The following NR3C1 variants were observed in gnomAD, a reference collection of about 807,000 sequenced individuals.
NR3C1 encodes the protein glucocorticoid receptor.
A neutral mutation model predicts 74.0 loss-of-function variants in NR3C1; 14 were observed. That is an observed-to-expected ratio of 0.19 (90% CI 0.12 to 0.30). The LOEUF is 0.30. NR3C1 is among the 10% of genes least tolerant of loss of function. The pLI, the probability that NR3C1 is intolerant of heterozygous loss-of-function variation, is 1.00. For synonymous variants in NR3C1, 308 were observed against 332.5 expected (o/e 0.93, Z 0.80); for missense variants, 695 against 909.8 (o/e 0.76, Z 3.04).
At chr5:143,289,120 T>A (rs1277736572) in intron 7 of NR3C1, among the ~76,000 whole-genome samples, 1 of 144,744 alleles carries the variant, frequency 6.9e-6, no homozygotes, top group Admixed American at 6.8e-5. Context: ...AACTAGAATA[T>A]CCAAAACAAC....
exon 1 of NR3C1, chr5:143,434,684 C>T (rs995289354): frequency 1.3e-4 from 127 of 985,318 alleles, no homozygotes; most frequent in Non-Finnish European, 1.5e-4. Flanking sequence ...ACAGAGAAGG[C>T]ACTCATTAAG....
At chr5:143,380,218 T>C (rs1478659368) in intron 2 of NR3C1, among the ~76,000 whole-genome samples, 5 of 152,218 alleles carry the variant, frequency 3.3e-5, no homozygotes, top group African/African-American at 9.6e-5. Context: ...CTTAATTATT[T>C]GACTTAAATT....
intron 2 of NR3C1, among the ~76,000 whole-genome samples, chr5:143,372,435 G>A (rs190878357): frequency 1.3e-5 from 2 of 152,320 alleles, no homozygotes; most frequent in South Asian, 4.1e-4. Flanking sequence ...TGGAGATGCT[G>A]AACAAAGGAA....
At chr5:143,396,982 G>A (rs529064650) in intron 2 of NR3C1, among the ~76,000 whole-genome samples, 164 of 151,962 alleles carry the variant, frequency 1.1e-3, no homozygotes, top group Middle Eastern at 0.01. Flanking sequence ...AAGTTAGAAT[G>A]ACTAGTTTGT....
chr5:143,385,380 C>T (rs1181650082), intron 2 of NR3C1, among the ~76,000 whole-genome samples: 1 of 152,216 alleles, frequency 6.6e-6, no homozygotes, highest in African/African-American at 2.4e-5. Flanking sequence ...AATTGCTCCC[C>T]AGAAAATAGG....
Position 143,400,271 on chromosome 5 carries a change from G to A in NR3C1, c.569C>T (p.Thr190Ile). 1.3e-6 allele frequency: 2 copies of A among 1,599,644 alleles called. No homozygotes were observed. The highest frequency in any genetic ancestry group is 1.7e-6 in the Non-Finnish European group (2 of 1,173,940). Residue 190 changes from threonine to isoleucine, a missense_variant, in exon 2 of 9, where the codon ACC becomes ATC. Coordinates refer to ENST00000394464, the MANE Select transcript of NR3C1 (RefSeq NM_000176.3). The part of the protein sequence containing the change: ...NVKLYTTDQS[T>I]FDILQDLEFS... Reference sequence around the variant, plus strand: ...CTCCAAATCCTGCAAAATGTCAAAGGTGCTTTGGTCTGTGGTATACAATTT... The same window carrying A: ...CTCCAAATCCTGCAAAATGTCAAAGATGCTTTGGTCTGTGGTATACAATTT...
intron 2 of NR3C1, among the ~76,000 whole-genome samples, chr5:143,334,367 C>T (rs1403232781): frequency 2.0e-5 from 3 of 151,748 alleles, no homozygotes; most frequent in Non-Finnish European, 2.9e-5. Context: ...GGGCAACAAG[C>T]GAAACTCTGT....
At chr5:143,435,436 G>T in exon 1 of NR3C1, 1 of 985,476 alleles carries the variant, frequency 1.0e-6, no homozygotes, top group Non-Finnish European at 1.2e-6. Context: ...ATAGGCACAA[G>T]AATGAGGGCG....
At chr5:143,369,325 C>T (rs536103744) in intron 2 of NR3C1, among the ~76,000 whole-genome samples, 1 of 152,198 alleles carries the variant, frequency 6.6e-6, no homozygotes, top group East Asian at 1.9e-4. Context: ...TCATATGATC[C>T]AGTAATTCTA....
chr5:143,298,644 GA>G, intron 6 of NR3C1, 23 bp downstream of exon 6: 1 of 1,609,622 alleles, frequency 6.2e-7, no homozygotes, highest in Non-Finnish European at 8.5e-7. Flanking sequence ...TGAATACAGG[GA>G]AAATGACACA....
chr5:143,317,559 C>G (rs1561551403), intron 2 of NR3C1, among the ~76,000 whole-genome samples: 1 of 152,090 alleles, frequency 6.6e-6, no homozygotes, highest in Non-Finnish European at 1.5e-5. Flanking sequence ...GGTTCCCAAT[C>G]AGAATGGCAA....
At chr5:143,387,289 T>TA (rs1270590318) in intron 2 of NR3C1, among the ~76,000 whole-genome samples, 7 of 152,338 alleles carry the variant, frequency 4.6e-5, no homozygotes, top group Non-Finnish European at 8.8e-5. Context: ...GTCTCCTTTT[T>TA]AAAAAAATTA....
rs775158856 is a variant in NR3C1, at chr5:143,293,568, AACTT to A, written c.2023+1888_2023+1891del. Among the ~76,000 whole-genome samples, 95 of 152,280 alleles carry A rather than the reference AACTT, an allele frequency of 6.2e-4. 1 individual carries two copies. The highest frequency in any genetic ancestry group is 1.4e-3 in the Admixed American group (21 of 15,284). ...AACTTAAAAAAACCCCAACTTACTA[AACTT>A]ACTAATTTACCAGGTTCTACAAATG... On this transcript the variant is annotated intron_variant, in intron 7 of 8. Coordinates refer to ENST00000394464, the MANE Select transcript of NR3C1 (RefSeq NM_000176.3).
chr5:143,428,813 G>A (rs1474904825), intron 1 of NR3C1, among the ~76,000 whole-genome samples: 4 of 152,114 alleles, frequency 2.6e-5, no homozygotes, highest in Admixed American at 2.6e-4. Flanking sequence ...AATGTGAGTG[G>A]GGGCCCTAAA....
chr5:143,300,425 GT>G lies in NR3C1; in HGVS notation c.1747+59del. 1.2e-6 allele frequency: 2 copies of G among 1,606,422 alleles called. No individual in the cohort carries two copies. Among genetic ancestry groups the G allele is most frequent in the Non-Finnish European group, 1.7e-6 (2 of 1,173,626 alleles). On this transcript the variant is annotated intron_variant, in intron 5 of 8. Transcript: ENST00000394464. The surrounding 1 kb of genome is among the most constrained non-coding windows in gnomAD (Gnocchi z 5.2). Reference sequence around the variant, plus strand: ...CTCACGATGATATAAAAGCCAAAGTGTTTTTGCTGAAGAAAACACAAAGGTT... The same window carrying G: ...CTCACGATGATATAAAAGCCAAAGTGTTTTGCTGAAGAAAACACAAAGGTT...
intron 2 of NR3C1, chr5:143,332,938 C>T: frequency 4.5e-6 from 7 of 1,569,756 alleles, no homozygotes; most frequent in Non-Finnish European, 6.1e-6. Context: ...AATCTGAAGT[C>T]TGTCCGAGAA....
intron 4 of NR3C1, among the ~76,000 whole-genome samples, chr5:143,309,485 G>T (rs1404173213): frequency 6.6e-6 from 1 of 152,184 alleles, no homozygotes; most frequent in Non-Finnish European, 1.5e-5. Flanking sequence ...GAGGCCTACG[G>T]TGGAAAAGGT....
intron 6 of NR3C1, 95 bp from the exon 7 acceptor site, chr5:143,295,685 TAAAG>T: frequency 1.0e-6 from 1 of 982,598 alleles, no homozygotes; most frequent in Non-Finnish European, 1.6e-6. Flanking sequence ...TATGAACTCA[TAAAG>T]AAAAACAACT....
Position 143,299,035 on chromosome 5 carries a change from G to C in NR3C1, c.1748-223C>G, listed in dbSNP as rs535825758. ...TTTTTTTTTTTTTTTTTTTAATTGAGACAAAGTCTTGCTCTGTCACCCAGG... is the reference window on the plus strand; with the variant it reads ...TTTTTTTTTTTTTTTTTTTAATTGACACAAAGTCTTGCTCTGTCACCCAGG... On this transcript the variant is annotated intron_variant, in intron 5 of 8. Coordinates refer to ENST00000394464, the MANE Select transcript of NR3C1 (RefSeq NM_000176.3). Among the ~76,000 whole-genome samples, 79 of 116,428 alleles carry C rather than the reference G, an allele frequency of 6.8e-4. 1 individual carries two copies. Among genetic ancestry groups the C allele is most frequent in the Non-Finnish European group, 1.2e-3 (69 of 57,838 alleles). The allele number at this position is 116,428 out of a possible 152,430, so 76.4% of individuals were successfully genotyped here.
Sources: allele counts gnomAD v4.1 joint callset (sites outside exome capture counted in the v4.1 genomes callset), GRCh38; gene constraint gnomAD v4.1.1; non-coding constraint Gnocchi (gnomAD v3.1); transcripts MANE v1.5; gene names NCBI Gene and HGNC (gene_info 2026-07-23, HGNC 2026-07-21).